Variants in CPNE8 observed in about 807,000 individuals in gnomAD.
The protein encoded by CPNE8 is copine 8.
In CPNE8, 45 loss-of-function variants were observed where a neutral mutation model predicts 81.5. That is an observed-to-expected ratio of 0.55 (90% CI 0.44 to 0.71). The LOEUF is 0.71. Ranked by LOEUF, CPNE8 falls within the 30% of genes least tolerant of loss-of-function variation. The pLI is 0.00. For missense variants in CPNE8, 594 were observed against 672.1 expected (o/e 0.88, Z 1.28); for synonymous variants, 252 against 226.3 (o/e 1.11, Z -1.02).
chr12:38,903,556 T>A (rs1208177528), intron 1 of CPNE8, among the ~76,000 whole-genome samples: 7 of 152,240 alleles, frequency 4.6e-5, no homozygotes, highest in Non-Finnish European at 4.4e-5. Flanking sequence ...TTAGGTATAA[T>A]TTCCCTTAAA....
At chr12:38,769,345 T>C (rs1230376785) in intron 7 of CPNE8, among the ~76,000 whole-genome samples, 1 of 152,180 alleles carries the variant, frequency 6.6e-6, no homozygotes, top group East Asian at 1.9e-4. Flanking sequence ...GACATCACTA[T>C]CACCTCAAAC....
At position 38,653,141 on chromosome 12, in the gene CPNE8, T is replaced by C. The variant is rs1017206075; in HGVS notation, c.*741A>G. On this transcript the variant is annotated 3_prime_UTR_variant, in exon 20 of 20. Coordinates refer to ENST00000331366, the MANE Select transcript of CPNE8 (RefSeq NM_153634.3). The stretch of plus-strand genomic sequence containing the variant: ...ACAATGTTTGACTTTTTATAATTTC[T>C]ACTTAGTGTTACAAAATACAAACCA... 6 of 152,426 alleles carry C rather than the reference T, an allele frequency of 3.9e-5. No individual in the cohort carries two copies. The highest frequency in any genetic ancestry group is 7.3e-5 in the Non-Finnish European group (5 of 68,038). 9.4% of individuals were successfully genotyped at this position (152,426 alleles called of 1,614,324 possible). A position where few individuals can be genotyped will look rare whatever the true frequency, so the allele number is the denominator to read the frequency against.
intron 13 of CPNE8, among the ~76,000 whole-genome samples, chr12:38,704,863 T>TATATATA (rs1565575657): frequency 7.3e-6 from 1 of 137,304 alleles, no homozygotes; most frequent in African/African-American, 2.6e-5. Flanking sequence ...TATATATATA[T>TATATATA]TTAAATTTCG....
At chr12:38,904,621 A>T (rs2138543) in intron 1 of CPNE8, among the ~76,000 whole-genome samples, 61,431 of 151,784 alleles carry the variant, frequency 0.4, 14,393 homozygotes, top group Non-Finnish European at 0.53. Flanking sequence ...GGCGCGTGCC[A>T]CCACGTCCGG....
intron 6 of CPNE8, among the ~76,000 whole-genome samples, chr12:38,798,204 C>T (rs549251996): frequency 6.6e-6 from 1 of 152,190 alleles, no homozygotes; most frequent in Non-Finnish European, 1.5e-5. Context: ...GAGAACGCCA[C>T]AAAGATACTC....
At chr12:38,825,421 A>G (rs1943173059) in intron 6 of CPNE8, among the ~76,000 whole-genome samples, 1 of 152,218 alleles carries the variant, frequency 6.6e-6, no homozygotes. Context: ...GTTAGCAAGG[A>G]TGAATGTGGA....
In CPNE8 at chr12:38,744,485, T is replaced by A. The variant is rs1941181644; in HGVS notation, c.723-14127A>T. Reference sequence around the variant, plus strand: ...TCCTGTTCCCATCAATAATACTATATATGTTTGTCAACTACATTTAGAATT... The same window carrying A: ...TCCTGTTCCCATCAATAATACTATAAATGTTTGTCAACTACATTTAGAATT... On this transcript the variant is annotated intron_variant, in intron 10 of 19. Coordinates refer to ENST00000331366, the MANE Select transcript of CPNE8 (RefSeq NM_153634.3). Among the ~76,000 whole-genome samples the A allele has an allele frequency of 2.0e-5, 3 of 152,360 alleles. No homozygotes were observed. In the South Asian group the frequency reaches 6.2e-4, roughly 32 times the overall value.
chr12:38,789,936 C>T lies in CPNE8; in HGVS notation c.408-13635G>A, dbSNP rs1019515328. On this transcript the variant is annotated intron_variant, in intron 6 of 19. Transcript: ENST00000331366. ...GTTCAAATGGCTTATATCGGAATGA[C>T]GGGCAACACAAATGCTAGCAAGAAT... 5.3e-5 allele frequency among the ~76,000 whole-genome samples: 8 copies of T among 151,698 alleles called. No individual in the cohort carries two copies. The East Asian group carries it at 5.8e-4, about 11-fold the overall frequency.
chr12:38,775,728 G>T (rs1466913099), intron 7 of CPNE8, among the ~76,000 whole-genome samples: 1 of 152,134 alleles, frequency 6.6e-6, no homozygotes, highest in African/African-American at 2.4e-5. Context: ...TAGTCATACT[G>T]CTAGCTGTAG....
At chr12:38,735,577 A>G (rs929993430) in intron 10 of CPNE8, among the ~76,000 whole-genome samples, 1 of 152,052 alleles carries the variant, frequency 6.6e-6, no homozygotes, top group African/African-American at 2.4e-5. Context: ...CTCAGCATCT[A>G]AGAATGATTT....
intron 3 of CPNE8, among the ~76,000 whole-genome samples, chr12:38,861,517 C>T (rs986443470): frequency 1.3e-5 from 2 of 151,952 alleles, no homozygotes; most frequent in African/African-American, 4.8e-5. Context: ...ATGACTAATA[C>T]CAAGATACAG....
At chr12:38,898,594 T>C (rs960958482) in intron 1 of CPNE8, among the ~76,000 whole-genome samples, 6 of 152,136 alleles carry the variant, frequency 3.9e-5, no homozygotes, top group African/African-American at 1.2e-4. Context: ...TAACTTAATT[T>C]ATCAACTAAC....
chr12:38,846,646 A>G (rs1368890208), intron 4 of CPNE8, among the ~76,000 whole-genome samples: 2 of 152,166 alleles, frequency 1.3e-5, no homozygotes, highest in Non-Finnish European at 1.5e-5. Context: ...GAGTATGACA[A>G]GAATGACTCA....
intron 14 of CPNE8, 40 bp from the exon 15 acceptor site, chr12:38,693,878 GTAAA>G (rs1401766339): frequency 6.7e-7 from 1 of 1,494,026 alleles, no homozygotes; most frequent in African/African-American, 1.4e-5. Context: ...AGCAATTAGG[GTAAA>G]TAAATTTAAC....
At chr12:38,798,018 G>A (rs1942544158) in intron 6 of CPNE8, among the ~76,000 whole-genome samples, 2 of 152,034 alleles carry the variant, frequency 1.3e-5, no homozygotes, top group Non-Finnish European at 2.9e-5. Flanking sequence ...AAAAAGAAAT[G>A]AAGAAAGCCT....
chr12:38,695,467 G>A lies in CPNE8; in HGVS notation c.962-1629C>T, dbSNP rs529569161. On this transcript the variant is annotated intron_variant, in intron 14 of 19. Coordinates refer to ENST00000331366, the MANE Select transcript of CPNE8 (RefSeq NM_153634.3). ...CAACCTTTTGTTTTGGAGTAGTTGA[G>A]TTCAATTTTTGTCCTCTGTTGTAAC... Among the ~76,000 whole-genome samples, 3 of 152,244 alleles carry A rather than the reference G, an allele frequency of 2.0e-5. No homozygotes were observed. The South Asian group carries it at 6.2e-4, about 32-fold the overall frequency.
intron 6 of CPNE8, among the ~76,000 whole-genome samples, chr12:38,814,575 C>G (rs1259196148): frequency 6.6e-6 from 1 of 151,880 alleles, no homozygotes; most frequent in Admixed American, 6.6e-5. Context: ...ATTTTAAAAA[C>G]CAGTCCTGCT....
chr12:38,703,457 C>G (rs940447519), intron 13 of CPNE8, among the ~76,000 whole-genome samples: 2 of 152,078 alleles, frequency 1.3e-5, no homozygotes, highest in Non-Finnish European at 2.9e-5. Context: ...GAACACTCCA[C>G]GAAATAATAA....
At chr12:38,892,178 A>G (rs986698177) in intron 1 of CPNE8, among the ~76,000 whole-genome samples, 3 of 152,202 alleles carry the variant, frequency 2.0e-5, no homozygotes, top group African/African-American at 7.2e-5. Context: ...GAAAGGGAAG[A>G]CACAAAGGAA....
Sources: gnomAD v4.1 joint callset for allele counts (sites outside exome capture counted in the v4.1 genomes callset) on GRCh38, gnomAD v4.1.1 for gene constraint, MANE v1.5 for transcripts, NCBI Gene and HGNC (gene_info 2026-07-23, HGNC 2026-07-21) for gene names.